PARD3: variants seen among roughly 807,000 people sequenced by gnomAD.
PARD3 encodes the protein partitioning defective 3 homolog.
PARD3 carries 75 observed loss-of-function variants against 155.4 expected under a neutral mutation model. The observed-to-expected ratio is 0.48, with a 90% confidence interval of 0.40 to 0.58. The LOEUF is 0.58. Ranked by LOEUF, PARD3 falls within the 20% of genes least tolerant of loss-of-function variation. The probability of loss-of-function intolerance (pLI) is 0.00; values close to 1 mark genes in which losing one functional copy is unlikely to be tolerated. For synonymous variants in PARD3, 576 were observed against 610.5 expected, an observed-to-expected ratio of 0.94 and a Z score of 0.83; for missense variants, 1,642 against 1,721.7, an observed-to-expected ratio of 0.95 and a Z score of 0.82.
At chr10:34,219,307 A>C (rs2133458226) in intron 22 of PARD3, among the ~76,000 whole-genome samples, 1 of 152,332 alleles carries the variant, frequency 6.6e-6, no homozygotes, top group Non-Finnish European at 1.5e-5. Context: ...CTGAGAAACA[A>C]AATACTGACA....
chr10:34,600,524 T>C (rs2089673602), intron 2 of PARD3, among the ~76,000 whole-genome samples: 1 of 152,060 alleles, frequency 6.6e-6, no homozygotes, highest in Admixed American at 6.6e-5. Context: ...CCAGAATATC[T>C]GTACATGAAT....
intron 1 of PARD3, among the ~76,000 whole-genome samples, chr10:34,739,325 A>G (rs879877767): frequency 6.6e-6 from 1 of 152,236 alleles, no homozygotes; most frequent in Non-Finnish European, 1.5e-5. Flanking sequence ...CTATCTTTGC[A>G]GTTTTTAATA....
chr10:34,476,823 G>C (rs2078740010), intron 3 of PARD3, among the ~76,000 whole-genome samples: 1 of 152,216 alleles, frequency 6.6e-6, no homozygotes, highest in South Asian at 2.1e-4. Flanking sequence ...AAGCAACACA[G>C]AGTTCTAGAG....
intron 2 of PARD3, among the ~76,000 whole-genome samples, chr10:34,638,204 G>C (rs1472406672): frequency 6.6e-6 from 1 of 152,152 alleles, no homozygotes; most frequent in Non-Finnish European, 1.5e-5. Flanking sequence ...TGAGATTTCA[G>C]AAAAATTAAA....
chr10:34,641,918 G>A (rs547431623), intron 2 of PARD3, among the ~76,000 whole-genome samples: 4 of 152,236 alleles, frequency 2.6e-5, no homozygotes, highest in East Asian at 1.9e-4. Context: ...GAAGAGGCAC[G>A]GAGCCTCCCC....
At chr10:34,666,805 A>ATATATATATATATATATATATG (rs1554804648) in intron 2 of PARD3, among the ~76,000 whole-genome samples, 1 of 101,686 alleles carries the variant, frequency 9.8e-6, no homozygotes, top group African/African-American at 4.8e-5. Flanking sequence ...AAATATATAT[A>ATATATATATATATATATATATG]TATATATATA....
intron 3 of PARD3, among the ~76,000 whole-genome samples, chr10:34,497,959 C>T (rs773990): frequency 0.064 from 9,786 of 151,936 alleles, 420 homozygotes; most frequent in African/African-American, 0.12. Context: ...CAAGGGGCAC[C>T]GAAGTAATAT....
intron 22 of PARD3, among the ~76,000 whole-genome samples, chr10:34,232,849 T>G (rs986623740): frequency 4.0e-5 from 6 of 151,864 alleles, no homozygotes; most frequent in African/African-American, 1.5e-4. Context: ...TACAGGCACA[T>G]GCCATCACGT....
intron 22 of PARD3, among the ~76,000 whole-genome samples, chr10:34,138,507 C>T (rs749432393): frequency 1.1e-4 from 16 of 152,100 alleles, no homozygotes; most frequent in South Asian, 2.1e-4. Context: ...CCAGGTGATT[C>T]GGTAAAACTG....
At chr10:34,188,214 T>C (rs928892053) in intron 22 of PARD3, among the ~76,000 whole-genome samples, 3 of 152,218 alleles carry the variant, frequency 2.0e-5, no homozygotes, top group Non-Finnish European at 2.9e-5. Flanking sequence ...AGTTGGAAGA[T>C]TCATTGTCTT....
chr10:34,448,935 T>G (rs1279197887), intron 5 of PARD3, among the ~76,000 whole-genome samples: 1 of 150,902 alleles, frequency 6.6e-6, no homozygotes. Flanking sequence ...TTTTTTTTTT[T>G]TGAGAGAGAG....
At chr10:34,148,485 C>T (rs1948626767) in intron 22 of PARD3, among the ~76,000 whole-genome samples, 1 of 152,132 alleles carries the variant, frequency 6.6e-6, no homozygotes, top group South Asian at 2.1e-4. Flanking sequence ...CAGACCTCCA[C>T]TGACATTTCA....
At chr10:34,738,328 G>C (rs543429939) in intron 1 of PARD3, among the ~76,000 whole-genome samples, 4 of 152,296 alleles carry the variant, frequency 2.6e-5, no homozygotes, top group African/African-American at 9.6e-5. Context: ...ACTCAGACAG[G>C]AAGAATCCCA....
At chr10:34,210,194 G>C (rs895930801) in intron 22 of PARD3, among the ~76,000 whole-genome samples, 4 of 152,032 alleles carry the variant, frequency 2.6e-5, no homozygotes, top group Non-Finnish European at 5.9e-5. Context: ...TGCAAAAACA[G>C]GTCATGTGTG....
rs1052791488 is a variant in PARD3 at position 34,779,356 on chromosome 10, T to C, written c.120+35520A>G. Among the ~76,000 whole-genome samples, 3 of 151,424 alleles carry C rather than the reference T, an allele frequency of 2.0e-5. No homozygotes were observed. In the East Asian group the frequency reaches 5.8e-4, roughly 29 times the overall value. On this transcript the variant is annotated intron_variant, in intron 1 of 24. Transcript: ENST00000374788. ...CGGGCGCGGTGGCTCACGCCTGTAA[T>C]CCCAGCACTTTGGGAGGCCGAGGCC...
At chr10:34,619,888 A>T (rs1165757471) in intron 2 of PARD3, among the ~76,000 whole-genome samples, 1 of 152,122 alleles carries the variant, frequency 6.6e-6, no homozygotes. Context: ...TCTCCCTGAT[A>T]TTGTATAAAA....
At chr10:34,391,270 T>G (rs1284283721) in intron 7 of PARD3, among the ~76,000 whole-genome samples, 9 of 152,030 alleles carry the variant, frequency 5.9e-5, no homozygotes. Flanking sequence ...ACTGTCCATA[T>G]TCACATAGAG....
At chr10:34,664,474 T>C (rs111629607) in intron 2 of PARD3, among the ~76,000 whole-genome samples, 2 of 151,842 alleles carry the variant, frequency 1.3e-5, no homozygotes, top group South Asian at 4.2e-4. Flanking sequence ...GTGCTGGGAT[T>C]ATAGGCGTAA....
intron 3 of PARD3, among the ~76,000 whole-genome samples, chr10:34,475,432 C>T (rs926370778): frequency 2.0e-5 from 3 of 152,238 alleles, no homozygotes; most frequent in African/African-American, 7.2e-5. Flanking sequence ...ATCTTAATAG[C>T]TTTTCCAGAA....
Sources: allele counts gnomAD v4.1 joint callset (sites outside exome capture counted in the v4.1 genomes callset), GRCh38; gene constraint gnomAD v4.1.1; transcripts MANE v1.5; gene names NCBI Gene and HGNC (gene_info 2026-07-23, HGNC 2026-07-21).